Variants in KIDINS220 observed in about 807,000 individuals in gnomAD.
The protein encoded by KIDINS220 is kinase D-interacting substrate of 220 kDa.
KIDINS220 carries 63 observed loss-of-function variants against 157.6 expected under a neutral mutation model. The ratio of observed to expected loss-of-function variants is 0.40; its 90% CI spans 0.33 to 0.49. The LOEUF is 0.49. Among genes scored for constraint, KIDINS220 ranks in the 20% least tolerant of loss-of-function variants. KIDINS220 has a pLI of 0.66. For synonymous variants in KIDINS220, 732 were observed against 783.6 expected (o/e 0.93, Z 1.10); for missense variants, 1,772 against 2,171.2 (o/e 0.82, Z 3.65).
rs1439593127 is a variant in KIDINS220, at chr2:8,746,479, T to TG, written c.3585+665_3585+666insC. The TG allele has an allele frequency of 2.0e-5, 3 of 149,692 alleles. No homozygotes were observed. In the East Asian group the frequency reaches 5.8e-4, roughly 29 times the overall value. The allele number at this position is 149,692 out of a possible 1,614,324, so 9.3% of individuals were successfully genotyped here. A position where few individuals can be genotyped will look rare whatever the true frequency, so the allele number is the denominator to read the frequency against. The stretch of plus-strand genomic sequence containing the variant: ...TTATTTTTTGTTTTTTTCTTTTTGT[T>TG]TTTTTTTTTTAAAGAAACCTACCTT... On this transcript the variant is annotated intron_variant, in intron 26 of 29. Coordinates refer to ENST00000256707, the MANE Select transcript of KIDINS220 (RefSeq NM_020738.4).
chr2:8,787,240 G>A (rs556861284), intron 15 of KIDINS220, among the ~76,000 whole-genome samples: 1 of 151,396 alleles, frequency 6.6e-6, no homozygotes, highest in Non-Finnish European at 1.5e-5. Context: ...AATTCTCTAT[G>A]CTAGTTACTT....
chr2:8,728,920 G>A lies in KIDINS220; in HGVS notation c.*1800C>T. 1 of 979,636 alleles carries A rather than the reference G, an allele frequency of 1.0e-6. No individual in the cohort carries two copies. The highest frequency in any genetic ancestry group is 1.2e-6 in the Non-Finnish European group (1 of 824,300). 60.7% of individuals were successfully genotyped at this position (979,636 alleles called of 1,614,324 possible). The stretch of plus-strand genomic sequence containing the variant: ...ATCATCATAGTGAATAAAAATTCAT[G>A]AGTCAGAATAGCATGCAATTTTTTA... On this transcript the variant is annotated 3_prime_UTR_variant, in exon 30 of 30. Coordinates refer to ENST00000256707, the MANE Select transcript of KIDINS220 (RefSeq NM_020738.4).
At position 8,766,030 on chromosome 2, in the gene KIDINS220, G is replaced by C. The variant is rs1400980544; in HGVS notation, c.3011+4640C>G. 2.6e-5 allele frequency among the ~76,000 whole-genome samples: 4 copies of C among 151,990 alleles called. No homozygotes were observed. In the East Asian group the frequency reaches 7.7e-4, roughly 29 times the overall value. On this transcript the variant is annotated intron_variant, in intron 22 of 29. Transcript: ENST00000256707. ...AGGCTTCCCTAACTCAGGCCAAGCT[G>C]CACTGATACAGCAAATAGGCCCTGA... is the stretch of plus-strand genomic sequence containing the variant.
At chr2:8,799,486 C>T (rs998886706) in intron 9 of KIDINS220, among the ~76,000 whole-genome samples, 5 of 152,132 alleles carry the variant, frequency 3.3e-5, no homozygotes, top group African/African-American at 1.2e-4. Context: ...CAAGTTCTAC[C>T]TTCTTCCAAA....
Position 8,731,767 on chromosome 2 carries a change from T to C in KIDINS220, c.4269A>G (p.Ser1423=), listed in dbSNP as rs375458262. Residue 1423 remains serine (S), a synonymous_variant, in exon 30 of 30, where the codon TCA becomes TCG. Transcript: ENST00000256707. This position sits in a 1 kb window ranked among gnomAD's most constrained non-coding sequence, Gnocchi z 5.2. ...HSTYYMGQSS[S]GGSIHSNLEQ... Reference sequence around the variant, plus strand: ...CTAGGTTTGAATGAATAGAGCCCCCTGATGAACTCTGACCCATGTAATATG... The same window carrying C: ...CTAGGTTTGAATGAATAGAGCCCCCCGATGAACTCTGACCCATGTAATATG... 2.4e-5 allele frequency: 38 copies of C among 1,614,142 alleles called. No homozygotes were observed. The African/African-American group carries it at 3.5e-4, about 15-fold the overall frequency.
At chr2:8,774,776 G>A (rs774563643) in intron 21 of KIDINS220, among the ~76,000 whole-genome samples, 16 of 152,146 alleles carry the variant, frequency 1.1e-4, no homozygotes, top group Non-Finnish European at 1.6e-4. Flanking sequence ...GGGCTTTGTA[G>A]GAAACTATAA....
intron 4 of KIDINS220, among the ~76,000 whole-genome samples, chr2:8,815,917 T>C (rs1348478398): frequency 6.6e-6 from 1 of 152,154 alleles, no homozygotes; most frequent in Non-Finnish European, 1.5e-5. Context: ...AGGATCTCAG[T>C]GGTCACTCTC....
intron 7 of KIDINS220, 33 bp downstream of exon 7, chr2:8,806,238 C>G: frequency 6.9e-7 from 1 of 1,439,414 alleles, no homozygotes; most frequent in Non-Finnish European, 9.6e-7. Flanking sequence ...AAACATGTTT[C>G]TATTGCCAAG....
intron 8 of KIDINS220, among the ~76,000 whole-genome samples, chr2:8,800,829 G>T (rs1409236903): frequency 6.6e-6 from 1 of 152,156 alleles, no homozygotes; most frequent in East Asian, 1.9e-4. Context: ...TGACGTTGTG[G>T]CTGTCAATGA....
chr2:8,818,561 A>G, intron 3 of KIDINS220, 134 bp downstream of exon 3: 1 of 562,822 alleles, frequency 1.8e-6, no homozygotes, highest in South Asian at 2.4e-5. Flanking sequence ...TTTAAAAAAA[A>G]CTGATATAGC....
intron 8 of KIDINS220, among the ~76,000 whole-genome samples, chr2:8,801,354 T>C (rs866591916): frequency 6.6e-6 from 1 of 152,226 alleles, no homozygotes; most frequent in Non-Finnish European, 1.5e-5. Context: ...AGCACCATGC[T>C]GTAGTGTGTT....
At chr2:8,745,428 C>T (rs1016090771) in intron 26 of KIDINS220, among the ~76,000 whole-genome samples, 7 of 152,184 alleles carry the variant, frequency 4.6e-5, no homozygotes, top group Non-Finnish European at 1.0e-4. Flanking sequence ...AAATAATCAT[C>T]AACCTCTCAA....
At chr2:8,742,050 G>A (rs910897881) in intron 26 of KIDINS220, among the ~76,000 whole-genome samples, 16 of 152,048 alleles carry the variant, frequency 1.1e-4, no homozygotes, top group African/African-American at 3.1e-4. Flanking sequence ...TCTTGTCCAC[G>A]TCTTCTCCTG....
intron 26 of KIDINS220, among the ~76,000 whole-genome samples, chr2:8,745,563 C>A (rs187673877): frequency 4.4e-4 from 67 of 152,252 alleles, no homozygotes; most frequent in African/African-American, 1.6e-3. Flanking sequence ...CTTTGGGAGG[C>A]CAAGACGGGC....
At chr2:8,732,533 T>G (rs1377085460) in intron 29 of KIDINS220, among the ~76,000 whole-genome samples, 1 of 152,256 alleles carries the variant, frequency 6.6e-6, no homozygotes, top group Non-Finnish European at 1.5e-5. Flanking sequence ...TTTACAAGTT[T>G]ATTTCCAATA....
At chr2:8,803,263 G>T in intron 7 of KIDINS220, 136 bp from the exon 8 acceptor site, 1 of 739,628 alleles carries the variant, frequency 1.4e-6, no homozygotes, top group Non-Finnish European at 2.1e-6. Context: ...ATTTCCAATA[G>T]TAAAATGCCA....
rs975046921 is a variant in KIDINS220 at position 8,731,193 on chromosome 2, T to A, written c.4843A>T (p.Ile1615Leu). ...DDSQLEKANL[I>L]ELEDDSHSGK... is the part of the protein sequence containing the mutation. ...CTGTGACTGTCATCTTCCAGCTCTA[T>A]GAGATTTGCCTTTTCAAGCTGGGAG... Residue 1615 changes from isoleucine to leucine, a missense_variant, in exon 30 of 30, where the codon ATA becomes TTA. By Grantham distance (5) the Ile-to-Leu change is conservative. This residue lies in a region of KIDINS220 where 793 missense variants were observed against 885.5 expected (regional missense o/e 0.90). Transcript: ENST00000256707. The surrounding 1 kb of genome is among the most constrained non-coding windows in gnomAD (Gnocchi z 5.2). The A allele has an allele frequency of 6.2e-7, 1 of 1,613,200 alleles. No individual in the cohort carries two copies. The highest frequency in any genetic ancestry group is 1.3e-5 in the African/African-American group (1 of 75,018).
At chr2:8,823,551 T>C (rs924821943) in intron 2 of KIDINS220, among the ~76,000 whole-genome samples, 1 of 152,162 alleles carries the variant, frequency 6.6e-6, no homozygotes, top group Non-Finnish European at 1.5e-5. Flanking sequence ...AAACTGGATA[T>C]GTTAATTAAT....
chr2:8,789,413 G>A (rs1016966259), intron 14 of KIDINS220, among the ~76,000 whole-genome samples: 3 of 147,450 alleles, frequency 2.0e-5, no homozygotes, highest in African/African-American at 5.0e-5. Flanking sequence ...TCAGCCTCCC[G>A]AGTAGCTGGG....
Sources: gnomAD v4.1 joint callset for allele counts (sites outside exome capture counted in the v4.1 genomes callset) on GRCh38, gnomAD v4.1.1 for gene constraint, gnomAD v4.1.1 regional missense constraint, Gnocchi (gnomAD v3.1) non-coding constraint, MANE v1.5 for transcripts, NCBI Gene and HGNC (gene_info 2026-07-23, HGNC 2026-07-21) for gene names.